MVD: variants seen among roughly 807,000 people sequenced by gnomAD.
MVD encodes the protein diphosphomevalonate decarboxylase.
A neutral mutation model predicts 42.4 loss-of-function variants in MVD; 52 were observed. That is an observed-to-expected ratio of 1.23 (90% CI 0.98 to 1.55). The LOEUF is 1.55. Among genes scored for constraint, MVD ranks in the 40% most tolerant of loss-of-function variants. The pLI, the probability that MVD is intolerant of heterozygous loss-of-function variation, is 0.00. For missense variants in MVD, 663 were observed against 572.1 expected (o/e 1.16, Z -1.62); for synonymous variants, 287 against 243.2 (o/e 1.18, Z -1.68).
intron 8 of MVD, among the ~76,000 whole-genome samples, chr16:88,654,423 C>T (rs555038493): frequency 8.5e-5 from 13 of 152,144 alleles, no homozygotes; most frequent in Non-Finnish European, 1.6e-4. Context: ...TGCGGGGTCC[C>T]GAGCTGCAGG....
intron 4 of MVD, chr16:88,656,966 C>T (rs915023319): frequency 1.5e-5 from 5 of 343,740 alleles, no homozygotes; most frequent in African/African-American, 1.1e-4. Flanking sequence ...GAGCTGGGTC[C>T]AGCGGGGCCT....
intron 1 of MVD, among the ~76,000 whole-genome samples, chr16:88,660,191 T>C (rs928944077): frequency 6.6e-6 from 1 of 152,070 alleles, no homozygotes; most frequent in South Asian, 2.1e-4. Flanking sequence ...CTGGTGGGGA[T>C]GGGACAGCGT....
chr16:88,655,516 T>G, intron 6 of MVD, 99 bp from the exon 7 acceptor site: 3 of 1,508,136 alleles, frequency 2.0e-6, no homozygotes, highest in Non-Finnish European at 2.7e-6. Context: ...TCGAGCCCCA[T>G]CTCTGCATTT....
chr16:88,657,262 T>C lies in MVD; in HGVS notation c.403+174A>G, dbSNP rs1223922926. 3.2e-6 allele frequency: 3 copies of C among 927,676 alleles called. No homozygotes were observed. The Admixed American group carries it at 6.0e-5, about 19-fold the overall frequency. 57.5% of individuals were successfully genotyped at this position (927,676 alleles called of 1,614,324 possible). A position where few individuals can be genotyped will look rare whatever the true frequency, so the allele number is the denominator to read the frequency against. ...GCCAGCTGCAACTGGAAGATGAAAATGTTCAGATGTGCTCTGGGAAGAGAC... is the reference window on the plus strand; with the variant it reads ...GCCAGCTGCAACTGGAAGATGAAAACGTTCAGATGTGCTCTGGGAAGAGAC... On this transcript the variant is annotated intron_variant, in intron 4 of 9. Coordinates refer to ENST00000301012, the MANE Select transcript of MVD (RefSeq NM_002461.3).
chr16:88,657,843 C>A, intron 3 of MVD, 72 bp downstream of exon 3: 2 of 1,503,718 alleles, frequency 1.3e-6, no homozygotes, highest in African/African-American at 1.4e-5. Context: ...GGCACAGAGG[C>A]AGAAGCACTT....
At position 88,652,124 on chromosome 16, in the gene MVD, A is replaced by C; in HGVS notation, c.*401T>G. On this transcript the variant is annotated 3_prime_UTR_variant, in exon 10 of 10. Coordinates refer to ENST00000301012, the MANE Select transcript of MVD (RefSeq NM_002461.3). ...GGCACTTGGTGGTTTCCTGAGGCCC[A>C]AGGAGGCTGCTCCCAGCACGGTGAC... 3.7e-6 allele frequency: 1 copy of C among 273,668 alleles called. No individual in the cohort carries two copies. The highest frequency in any genetic ancestry group is 7.1e-6 in the Non-Finnish European group (1 of 139,906). 17.0% of individuals were successfully genotyped at this position (273,668 alleles called of 1,614,324 possible). A position where few individuals can be genotyped will look rare whatever the true frequency, so the allele number is the denominator to read the frequency against.
In MVD at chr16:88,654,777, C is replaced by G. The variant is rs770741071; in HGVS notation, c.928G>C (p.Ala310Pro). ...GTGTCGTCCAGGGTGAAGATCACGG[C>G]ATTGGGGCCCGCGTCAAAGGTGTAC... ...VAYTFDAGPNAVIFTLDDTVA... is the reference protein window; with the variant it reads ...VAYTFDAGPNPVIFTLDDTVA... The change falls in exon 8 of 10, where the codon GCC becomes CCC. Residue 310 changes from alanine (A) to proline (P), a missense_variant. Ala to Pro is a conservative substitution (Grantham distance 27). Coordinates refer to ENST00000301012, the MANE Select transcript of MVD (RefSeq NM_002461.3). 6.3e-7 allele frequency: 1 copy of G among 1,592,174 alleles called. No individual in the cohort carries two copies. Among genetic ancestry groups the G allele is most frequent in the Non-Finnish European group, 8.5e-7 (1 of 1,171,894 alleles).
rs143356821 is a variant in MVD, at chr16:88,654,712, G to C, written c.993C>G (p.Pro331=). The C allele has an allele frequency of 3.1e-6, 5 of 1,599,658 alleles. No homozygotes were observed. The African/African-American group carries it at 4.1e-5, about 13-fold the overall frequency. The part of the protein sequence containing the change: ...EFVAAVWHGF[P]PGSNGDTFLK... ...CTCACGTGTCTCCATTCGAGCCTGG[G>C]GGAAAGCCGTGCCACACAGCAGCCA... Residue 331 remains proline (P), a synonymous_variant, in exon 8 of 10, where the codon CCC becomes CCG. Transcript: ENST00000301012.
Position 88,656,128 on chromosome 16 carries a change from C to G in MVD, c.580G>C (p.Glu194Gln). 1 of 1,601,594 alleles carries G rather than the reference C, an allele frequency of 6.2e-7. No individual in the cohort carries two copies. The highest frequency in any genetic ancestry group is 8.5e-7 in the Non-Finnish European group (1 of 1,179,806). Residue 194 changes from glutamate to glutamine, a missense_variant, in exon 5 of 10, where the codon GAA (glutamate) becomes CAA (glutamine). Transcript: ENST00000301012. ...RQVAPESHWP[E>Q]LRVLILVVSA... is the part of the protein sequence containing the mutation. ...ACCACAAGGATGAGCACGCGGAGTT[C>G]AGGCCAGTGTGACTCGGGGGCCACT...
At position 88,657,452 on chromosome 16, in the gene MVD, C is replaced by T. The variant is rs143834158; in HGVS notation, c.387G>A (p.Ala129=). 7.5e-6 allele frequency: 12 copies of T among 1,608,564 alleles called. No individual in the cohort carries two copies. The highest frequency in any genetic ancestry group is 6.7e-5 in the East Asian group (3 of 44,614). The change falls in exon 4 of 10, where the codon GCG becomes GCA. Residue 129 remains alanine, a synonymous_variant. Coordinates refer to ENST00000301012, the MANE Select transcript of MVD (RefSeq NM_002461.3). ...GGCACCCACCTAGGCAGGCATAGCC[C>T]GCCGCTGAGGAGGCCAGGCCCGCAG... The part of the protein sequence containing the change: ...PTAAGLASSA[A]GYACLAYTLA...
intron 4 of MVD, chr16:88,657,137 G>A (rs565276878): frequency 6.6e-6 from 4 of 602,052 alleles, no homozygotes; most frequent in South Asian, 6.3e-5. Context: ...AGATGGGGGG[G>A]GGTCTCACTA....
chr16:88,658,036 A>G lies in MVD; in HGVS notation c.142-7T>C. The G allele has an allele frequency of 6.2e-7, 1 of 1,613,614 alleles. No homozygotes were observed. The highest frequency in any genetic ancestry group is 1.1e-5 in the South Asian group (1 of 91,086). On this transcript the variant is annotated splice_region_variant and splice_polypyrimidine_tract_variant and intron_variant, in intron 2 of 9. Transcript: ENST00000301012. Reference sequence around the variant, plus strand: ...CTGTTGTGGTGGTTTTTAACTGAAAAGGAAACCCAGGGCCACCTCAGAGGC... The same window carrying G: ...CTGTTGTGGTGGTTTTTAACTGAAAGGGAAACCCAGGGCCACCTCAGAGGC...
chr16:88,652,747 T>A, intron 9 of MVD, 142 bp from the exon 10 acceptor site: 1 of 781,168 alleles, frequency 1.3e-6, no homozygotes, highest in Non-Finnish European at 2.1e-6. Flanking sequence ...AGCGCCTGAG[T>A]GGTGACACCC....
Position 88,655,679 on chromosome 16 carries a change from C to T in MVD, c.655G>A (p.Val219Met). Residue 219 changes from valine to methionine, a missense_variant, in exon 6 of 10, where the codon GTG becomes ATG. Physicochemically the swap from Val to Met is conservative, Grantham distance 21. Transcript: ENST00000301012. ...TGSTVGMRAS[V>M]ETSPLLRFRA... The stretch of plus-strand genomic sequence containing the variant: ...ACCCGAAGCAGGGGGCTGGTCTCCA[C>T]ACTGGCCCGCATGCCCACGGTACTG... 1 of 1,557,824 alleles carries T rather than the reference C, an allele frequency of 6.4e-7. No individual in the cohort carries two copies. The highest frequency in any genetic ancestry group is 8.7e-7 in the Non-Finnish European group (1 of 1,150,968).
intron 1 of MVD, chr16:88,661,962 A>G (rs921987401): frequency 1.3e-5 from 2 of 151,704 alleles, no homozygotes; most frequent in African/African-American, 4.8e-5. Flanking sequence ...ATACACACAC[A>G]CAAACATACA....
chr16:88,653,797 C>T (rs1156803665), intron 8 of MVD, among the ~76,000 whole-genome samples: 23 of 152,088 alleles, frequency 1.5e-4, no homozygotes, highest in Admixed American at 1.4e-3. Context: ...CGTTCGTCAC[C>T]GTGTTCTGCA....
chr16:88,662,804 G>C (rs1479545750), intron 1 of MVD: 3 of 1,472,432 alleles, frequency 2.0e-6, no homozygotes, highest in South Asian at 1.3e-5. Flanking sequence ...CAGCCGTCGC[G>C]GGGGAACGGG....
In MVD at chr16:88,655,662, C is replaced by T; in HGVS notation, c.672G>A (p.Leu224=). The part of the protein sequence containing the change: ...GMRASVETSP[L]LRFRAESVVP... ...CACCCGCTCCTGGCCTTACCCGAAG[C>T]AGGGGGCTGGTCTCCACACTGGCCC... Residue 224 remains leucine, a synonymous_variant, in exon 6 of 10, where the codon CTG becomes CTA. Coordinates refer to ENST00000301012, the MANE Select transcript of MVD (RefSeq NM_002461.3). The T allele has an allele frequency of 1.3e-6, 2 of 1,554,186 alleles. No individual in the cohort carries two copies. Among genetic ancestry groups the T allele is most frequent in the Non-Finnish European group, 1.7e-6 (2 of 1,149,106 alleles).
intron 1 of MVD, 100 bp downstream of exon 1, chr16:88,662,911 G>C (rs1488216932): frequency 3.3e-6 from 5 of 1,526,920 alleles, no homozygotes; most frequent in Non-Finnish European, 4.4e-6. Flanking sequence ...CGAGGCCCTG[G>C]GAGGGCAGGA....
Sources: allele counts gnomAD v4.1 joint callset (sites outside exome capture counted in the v4.1 genomes callset), GRCh38; gene constraint gnomAD v4.1.1; transcripts MANE v1.5; gene names NCBI Gene and HGNC (gene_info 2026-07-23, HGNC 2026-07-21).